KIAA0825: variants seen among roughly 807,000 people sequenced by gnomAD.
The protein encoded by KIAA0825 is uncharacterized protein KIAA0825.
KIAA0825 carries 119 observed loss-of-function variants against 147.6 expected under a neutral mutation model. That is an observed-to-expected ratio of 0.81 (90% CI 0.69 to 0.94). The LOEUF is 0.94. KIAA0825 is among the 40% of genes least tolerant of loss of function. The pLI, the probability that KIAA0825 is intolerant of heterozygous loss-of-function variation, is 0.00. For missense variants in KIAA0825, 1,381 were observed against 1,472.7 expected (o/e 0.94, Z 1.02); for synonymous variants, 470 against 518.1 (o/e 0.91, Z 1.26).
intron 5 of KIAA0825, among the ~76,000 whole-genome samples, chr5:94,511,181 T>A (rs1766422634): frequency 6.6e-6 from 1 of 152,166 alleles, no homozygotes; most frequent in African/African-American, 2.4e-5. Context: ...ATTCTACCGG[T>A]GCCTTGATCT....
At chr5:94,554,225 A>C (rs1328287313) in intron 2 of KIAA0825, among the ~76,000 whole-genome samples, 1 of 152,198 alleles carries the variant, frequency 6.6e-6, no homozygotes, top group African/African-American at 2.4e-5. Flanking sequence ...ACTCAACAAA[A>C]GATGTCTGAG....
At chr5:94,475,949 T>C (rs561174866) in intron 7 of KIAA0825, among the ~76,000 whole-genome samples, 28 of 152,224 alleles carry the variant, frequency 1.8e-4, no homozygotes, top group Non-Finnish European at 3.5e-4. Flanking sequence ...CATATTCCAT[T>C]TAGACTAGAG....
At chr5:94,240,877 A>G (rs1775309943) in intron 20 of KIAA0825, among the ~76,000 whole-genome samples, 1 of 152,144 alleles carries the variant, frequency 6.6e-6, no homozygotes, top group African/African-American at 2.4e-5. Flanking sequence ...AAATTCCTTT[A>G]TGTTTCAATA....
intron 5 of KIAA0825, among the ~76,000 whole-genome samples, chr5:94,517,141 T>C (rs916101879): frequency 6.6e-6 from 1 of 152,156 alleles, no homozygotes; most frequent in Non-Finnish European, 1.5e-5. Context: ...TTATTTTTAA[T>C]GCTAACTATC....
At chr5:94,594,332 T>C in intron 1 of KIAA0825, 1 of 683,880 alleles carries the variant, frequency 1.5e-6, no homozygotes, top group Admixed American at 1.8e-5. Context: ...ATAAAGGTAT[T>C]GCTGGCATGA....
At chr5:94,554,427 C>T (rs1182536075) in intron 2 of KIAA0825, among the ~76,000 whole-genome samples, 4 of 151,844 alleles carry the variant, frequency 2.6e-5, no homozygotes, top group Non-Finnish European at 4.4e-5. Flanking sequence ...GAAAATAAAC[C>T]GACCCGGTCA....
rs148210257 is a variant in KIAA0825, at chr5:94,331,627, T to C, written c.3710+52741A>G. ...TATAAGAAAGCTACATGCAGGTATC[T>C]TTCATGAACATCAACAGAAAAATCC... On this transcript the variant is annotated intron_variant, in intron 20 of 20. Coordinates refer to ENST00000682413, the MANE Select transcript of KIAA0825 (RefSeq NM_001145678.3). Among the ~76,000 whole-genome samples, 1,152 of 152,284 alleles carry C rather than the reference T, an allele frequency of 7.6e-3. 22 individuals are homozygous for C. The highest frequency in any genetic ancestry group is 0.025 in the African/African-American group (1,053 of 41,552).
chr5:94,548,414 T>C (rs555073267), intron 2 of KIAA0825, among the ~76,000 whole-genome samples: 1 of 151,996 alleles, frequency 6.6e-6, no homozygotes, highest in Admixed American at 6.6e-5. Flanking sequence ...ATACAGTGGA[T>C]ACACAAAAAA....
chr5:94,612,838 C>G (rs570061114), intron 1 of KIAA0825, among the ~76,000 whole-genome samples: 2 of 152,120 alleles, frequency 1.3e-5, no homozygotes, highest in Non-Finnish European at 2.9e-5. Flanking sequence ...GCCACAGACC[C>G]TAATTTAAAA....
At chr5:94,427,641 C>A (rs1177310317) in intron 14 of KIAA0825, among the ~76,000 whole-genome samples, 1 of 152,188 alleles carries the variant, frequency 6.6e-6, no homozygotes, top group African/African-American at 2.4e-5. Flanking sequence ...AATCAATCCT[C>A]CAGAATATAA....
chr5:94,346,967 C>T (rs545597851), intron 20 of KIAA0825, among the ~76,000 whole-genome samples: 1 of 152,000 alleles, frequency 6.6e-6, no homozygotes. Flanking sequence ...GGGCTGTTGT[C>T]GGGTCATGAT....
intron 20 of KIAA0825, among the ~76,000 whole-genome samples, chr5:94,235,354 A>C (rs972283581): frequency 2.0e-5 from 3 of 152,244 alleles, no homozygotes; most frequent in African/African-American, 7.2e-5. Context: ...ACCACCACCA[A>C]CATTCCCTTA....
At chr5:94,238,898 T>G (rs1775205491) in intron 20 of KIAA0825, among the ~76,000 whole-genome samples, 2 of 152,188 alleles carry the variant, frequency 1.3e-5, no homozygotes, top group South Asian at 2.1e-4. Context: ...TTTATCTTCT[T>G]TTAGAATGAA....
At position 94,584,471 on chromosome 5, in the gene KIAA0825, G is replaced by A. The variant is rs377132320; in HGVS notation, c.-152-1888C>T. Among the ~76,000 whole-genome samples the A allele has an allele frequency of 5.8e-4, 88 of 152,220 alleles. No homozygotes were observed. The East Asian group carries it at 0.014, about 25-fold the overall frequency. ...GAAGACCAAATTAATGAAATAAAGC[G>A]AGAAGACAAGATTAGAGAAAAAAGA... On this transcript the variant is annotated intron_variant, in intron 1 of 20. Transcript: ENST00000682413.
At chr5:94,537,206 C>G in intron 2 of KIAA0825, 79 bp from the exon 3 acceptor site, 1 of 1,175,012 alleles carries the variant, frequency 8.5e-7, no homozygotes, top group South Asian at 1.6e-5. Context: ...AAATTCACCT[C>G]AAGTTGTGAT....
At chr5:94,582,930 G>A (rs1263257197) in intron 1 of KIAA0825, among the ~76,000 whole-genome samples, 2 of 152,108 alleles carry the variant, frequency 1.3e-5, no homozygotes, top group South Asian at 4.1e-4. Flanking sequence ...AACAAGCAAT[G>A]TTATTCAATC....
Position 94,457,809 on chromosome 5 carries a change from G to A in KIAA0825, c.2246+4578C>T, listed in dbSNP as rs554116915. Among the ~76,000 whole-genome samples, 13 of 152,290 alleles carry A rather than the reference G, an allele frequency of 8.5e-5. No individual in the cohort carries two copies. In the East Asian group the frequency reaches 2.3e-3, roughly 27 times the overall value. ...TGTTGCTTTCGGCTGCCCTCCCCAG[G>A]AGAAACGGGTCTCATAATACGATGT... On this transcript the variant is annotated intron_variant, in intron 12 of 20. Coordinates refer to ENST00000682413, the MANE Select transcript of KIAA0825 (RefSeq NM_001145678.3).
At chr5:94,334,832 T>G (rs1781647731) in intron 20 of KIAA0825, among the ~76,000 whole-genome samples, 1 of 152,158 alleles carries the variant, frequency 6.6e-6, no homozygotes, top group Admixed American at 6.5e-5. Flanking sequence ...GGAAAGTCAC[T>G]CTCCATTTGG....
At chr5:94,365,987 C>T (rs1001430711) in intron 20 of KIAA0825, among the ~76,000 whole-genome samples, 2 of 152,164 alleles carry the variant, frequency 1.3e-5, no homozygotes, top group East Asian at 1.9e-4. Flanking sequence ...GATAAACTGG[C>T]TCATATGGTC....
Sources: allele counts gnomAD v4.1 joint callset (sites outside exome capture counted in the v4.1 genomes callset), GRCh38; gene constraint gnomAD v4.1.1; transcripts MANE v1.5; gene names NCBI Gene and HGNC (gene_info 2026-07-23, HGNC 2026-07-21).